Variants in LDOC1 observed in about 807,000 individuals in gnomAD.
The protein encoded by LDOC1 is protein LDOC1.
A neutral mutation model predicts 4.9 loss-of-function variants in LDOC1; 1 was observed. The observed-to-expected ratio is 0.20, with a 90% CI of 0.07 to 0.96. The LOEUF (loss-of-function observed/expected upper bound fraction) is 0.96, where lower values mean the gene tolerates loss of function less well. LDOC1 is among the 40% of genes least tolerant of loss of function. The pLI, the probability that LDOC1 is intolerant of heterozygous loss-of-function variation, is 0.62. For synonymous variants in LDOC1, 55 were observed against 58.3 expected (o/e 0.94, Z 0.26); for missense variants, 76 against 128.1 (o/e 0.59, Z 1.96).
In LDOC1 at chrX:141,176,535, T is replaced by A. The variant is rs375054922; in HGVS notation, c.*46A>T. Reference sequence around the variant, plus strand: ...CGGGGTGAGGGCTGCGGGGAGGGGGTGGCGGCGTGCAGGGCCCTCCCCCCC... The same window carrying A: ...CGGGGTGAGGGCTGCGGGGAGGGGGAGGCGGCGTGCAGGGCCCTCCCCCCC... On this transcript the variant is annotated 3_prime_UTR_variant, in exon 1 of 1. Transcript: ENST00000370526. The A allele has an allele frequency of 2.1e-5, 24 of 1,139,586 alleles. No individual in the cohort carries two copies. The African/African-American group carries it at 4.4e-4, about 21-fold the overall frequency. 93.9% of individuals were successfully genotyped at this position (1,139,586 alleles called of 1,213,427 possible).
In LDOC1 at chrX:141,173,579, C is replaced by T. The variant is rs1285167791; in HGVS notation, c.*3002G>A. On this transcript the variant is annotated 3_prime_UTR_variant, in exon 1 of 1. Transcript: ENST00000370526. ...AGAATCCCTTTTCTGCATCTCACAGCATAACCTGTTTGTCCATGATGTAAG... is the reference window on the plus strand; with the variant it reads ...AGAATCCCTTTTCTGCATCTCACAGTATAACCTGTTTGTCCATGATGTAAG... 8.9e-6 allele frequency: 1 copy of T among 111,751 alleles called. No homozygotes were observed. The highest frequency in any genetic ancestry group is 9.6e-5 in the Admixed American group (1 of 10,468). 9.2% of individuals were successfully genotyped at this position (111,751 alleles called of 1,213,427 possible).
chrX:141,176,939 T>A lies in LDOC1; in HGVS notation c.83A>T (p.Glu28Val). ...ALSIENSQLM[E>V]QLRLLVCERA... ...CTCGCACACCAGCAGCCGCAGCTGT[T>A]CCATGAGCTGGCTGTTCTCGATGCT... The change falls in exon 1 of 1, where the codon GAA (glutamate) becomes GTA (valine). Residue 28 changes from glutamate (E) to valine (V), a missense_variant. Glu to Val is a moderately radical substitution (Grantham distance 121). Coordinates refer to ENST00000370526, the MANE Select transcript of LDOC1 (RefSeq NM_012317.4). The A allele has an allele frequency of 8.3e-7, 1 of 1,211,270 alleles. No homozygotes were observed. Among genetic ancestry groups the A allele is most frequent in the South Asian group, 1.8e-5 (1 of 56,893 alleles).
In LDOC1 at chrX:141,177,111, G is replaced by A; in HGVS notation, c.-90C>T. The A allele has an allele frequency of 2.4e-6, 1 of 410,665 alleles. No homozygotes were observed. The highest frequency in any genetic ancestry group is 3.7e-6 in the Non-Finnish European group (1 of 267,509). The allele number at this position is 410,665 out of a possible 1,213,427, so 33.8% of individuals were successfully genotyped here. A position where few individuals can be genotyped will look rare whatever the true frequency, so the allele number is the denominator to read the frequency against. On this transcript the variant is annotated 5_prime_UTR_variant, in exon 1 of 1. Coordinates refer to ENST00000370526, the MANE Select transcript of LDOC1 (RefSeq NM_012317.4). The stretch of plus-strand genomic sequence containing the variant: ...TCGCAGGAAGTGCGTGTCCACGGAG[G>A]CGCTTGGTGGCCAGGGGCGGGGGGC...
chrX:141,175,525 G>T lies in LDOC1; in HGVS notation c.*1056C>A, dbSNP rs1218653554. 1.8e-5 allele frequency among the ~76,000 whole-genome samples: 2 copies of T among 112,075 alleles called. No homozygotes were observed. Among genetic ancestry groups the T allele is most frequent in the Middle Eastern group, 4.6e-3 (1 of 217 alleles). On this transcript the variant is annotated 3_prime_UTR_variant, in exon 1 of 1. Coordinates refer to ENST00000370526, the MANE Select transcript of LDOC1 (RefSeq NM_012317.4). ...AACCCTTAACCACGCCACCCTGGAG[G>T]ACCCAGAGAACACACCCTTTGCCAG... is the stretch of plus-strand genomic sequence containing the variant.
chrX:141,176,721 C>A lies in LDOC1; in HGVS notation c.301G>T (p.Glu101Ter). ...FLISLLTGEAEEWVVPYIEMD... is the reference protein window; with the variant it reads ...FLISLLTGEA ...TCGATGTAGGGCACCACCCACTCCT[C>A]GGCTTCCCCGGTGAGGAGGCTGATT... is the stretch of plus-strand genomic sequence containing the variant. Residue 101 changes from glutamate to a stop codon, truncating the protein, a stop_gained, in exon 1 of 1, where the codon GAG (glutamate) becomes TAG (stop). Coordinates refer to ENST00000370526, the MANE Select transcript of LDOC1 (RefSeq NM_012317.4). LOFTEE classifies it high-confidence loss of function. The A allele has an allele frequency of 8.2e-7, 1 of 1,212,249 alleles. No homozygotes were observed. Among genetic ancestry groups the A allele is most frequent in the Non-Finnish European group, 1.1e-6 (1 of 895,562 alleles).
Position 141,176,524 on chromosome X carries a change from CG to C in LDOC1, c.*56del, listed in dbSNP as rs782273268. 6.1e-6 allele frequency: 7 copies of C among 1,143,421 alleles called. No homozygotes were observed. The African/African-American group carries it at 7.2e-5, about 12-fold the overall frequency. 94.2% of individuals were successfully genotyped at this position (1,143,421 alleles called of 1,213,427 possible). A position where few individuals can be genotyped will look rare whatever the true frequency, so the allele number is the denominator to read the frequency against. On this transcript the variant is annotated 3_prime_UTR_variant, in exon 1 of 1. Transcript: ENST00000370526. The stretch of plus-strand genomic sequence containing the variant: ...GTGGCTCCTGGCGGGGTGAGGGCTG[CG>C]GGGAGGGGGTGGCGGCGTGCAGGGC...
In LDOC1 at chrX:141,175,971, C is replaced by T. The variant is rs1370511188; in HGVS notation, c.*610G>A. The T allele has an allele frequency of 8.8e-6, 1 of 114,285 alleles. No homozygotes were observed. The highest frequency in any genetic ancestry group is 9.1e-5 in the Admixed American group (1 of 11,031). 9.4% of individuals were successfully genotyped at this position (114,285 alleles called of 1,213,427 possible). A position where few individuals can be genotyped will look rare whatever the true frequency, so the allele number is the denominator to read the frequency against. On this transcript the variant is annotated 3_prime_UTR_variant, in exon 1 of 1. Transcript: ENST00000370526. Reference sequence around the variant, plus strand: ...AATTTGGCTGCCAGGCACACCGCGCCCCTGCAGCAATCTGGTGGGGCAGGG... The same window carrying T: ...AATTTGGCTGCCAGGCACACCGCGCTCCTGCAGCAATCTGGTGGGGCAGGG...
Position 141,176,730 on chromosome X carries a change from C to A in LDOC1, c.292G>T (p.Gly98Trp), listed in dbSNP as rs782148167. The A allele has an allele frequency of 1.1e-5, 13 of 1,212,081 alleles. No homozygotes were observed. Among genetic ancestry groups the A allele is most frequent in the African/African-American group, 1.7e-5 (1 of 57,962 alleles). Reference protein sequence around the residue: ...KVAFLISLLTGEAEEWVVPYI... With the variant: ...KVAFLISLLTWEAEEWVVPYI... ...GGCACCACCCACTCCTCGGCTTCCC[C>A]GGTGAGGAGGCTGATTAGGAATGCC... The change falls in exon 1 of 1, where the codon GGG becomes TGG. Residue 98 changes from glycine (G) to tryptophan (W), a missense_variant. Coordinates refer to ENST00000370526, the MANE Select transcript of LDOC1 (RefSeq NM_012317.4).
rs1556282918 is a variant in LDOC1 at position 141,175,055 on chromosome X, C to A, written c.*1526G>T. Among the ~76,000 whole-genome samples the A allele has an allele frequency of 8.9e-6, 1 of 111,795 alleles. No homozygotes were observed. ...AACCCTCCAGGCCCAGAGATCTCAG[C>A]ATAGCCCCTAGATAGCAGTACAAGG... is the stretch of plus-strand genomic sequence containing the variant. On this transcript the variant is annotated 3_prime_UTR_variant, in exon 1 of 1. Transcript: ENST00000370526.
Position 141,177,050 on chromosome X carries a change from G to T in LDOC1, c.-29C>A. The T allele has an allele frequency of 9.1e-7, 1 of 1,101,191 alleles. No individual in the cohort carries two copies. The highest frequency in any genetic ancestry group is 1.2e-6 in the Non-Finnish European group (1 of 827,950). 90.8% of individuals were successfully genotyped at this position (1,101,191 alleles called of 1,213,427 possible). On this transcript the variant is annotated 5_prime_UTR_variant, in exon 1 of 1. Transcript: ENST00000370526. ...GAACGGCCTGGAAGGACAGGACTCG[G>T]CTCGGTTCGGCTCGGCCAAGGTGCG...
chrX:141,177,092 G>A lies in LDOC1; in HGVS notation c.-71C>T. ...CAAGGTGCGCACGGAGCCCTCGCAG[G>A]AAGTGCGTGTCCACGGAGGCGCTTG... is the stretch of plus-strand genomic sequence containing the variant. On this transcript the variant is annotated 5_prime_UTR_variant, in exon 1 of 1. Coordinates refer to ENST00000370526, the MANE Select transcript of LDOC1 (RefSeq NM_012317.4). The A allele has an allele frequency of 2.2e-6, 2 of 893,566 alleles. No individual in the cohort carries two copies. The highest frequency in any genetic ancestry group is 2.9e-6 in the Non-Finnish European group (2 of 684,340). 73.6% of individuals were successfully genotyped at this position (893,566 alleles called of 1,213,427 possible).
At position 141,176,565 on chromosome X, in the gene LDOC1, C is replaced by T; in HGVS notation, c.*16G>A. On this transcript the variant is annotated 3_prime_UTR_variant, in exon 1 of 1. Coordinates refer to ENST00000370526, the MANE Select transcript of LDOC1 (RefSeq NM_012317.4). ...GCGTGCAGGGCCCTCCCCCCCGAGGCCCGAGGGTCGAGGGCCTAATAATCA... is the reference window on the plus strand; with the variant it reads ...GCGTGCAGGGCCCTCCCCCCCGAGGTCCGAGGGTCGAGGGCCTAATAATCA... The T allele has an allele frequency of 8.4e-7, 1 of 1,191,148 alleles. No individual in the cohort carries two copies. The highest frequency in any genetic ancestry group is 1.1e-6 in the Non-Finnish European group (1 of 882,916).
chrX:141,174,115 G>A lies in LDOC1; in HGVS notation c.*2466C>T, dbSNP rs979525309. ...AATTCAAGGCCTTTCTAGTTAGGAA[G>A]AAAGTGTAATTATCTGGCCTCACAC... On this transcript the variant is annotated 3_prime_UTR_variant, in exon 1 of 1. Transcript: ENST00000370526. Among the ~76,000 whole-genome samples, 1 of 112,058 alleles carries A rather than the reference G, an allele frequency of 8.9e-6. No homozygotes were observed.
chrX:141,177,000 G>A lies in LDOC1; in HGVS notation c.22C>T (p.Leu8=), dbSNP rs1556283593. ...TGCCGCATCAGGAGCGCGTGCAGCAGCAGCACCAACTCATCCACCATTGCG... is the reference window on the plus strand; with the variant it reads ...TGCCGCATCAGGAGCGCGTGCAGCAACAGCACCAACTCATCCACCATTGCG... MVDELVL[L]LHALLMRHRA... is the part of the protein sequence containing the mutation. Residue 8 remains leucine, a synonymous_variant, in exon 1 of 1, where the codon CTG becomes TTG. Coordinates refer to ENST00000370526, the MANE Select transcript of LDOC1 (RefSeq NM_012317.4). 1.7e-6 allele frequency: 2 copies of A among 1,205,576 alleles called. No individual in the cohort carries two copies. The highest frequency in any genetic ancestry group is 3.0e-5 in the East Asian group (1 of 33,562).
At position 141,176,608 on chromosome X, in the gene LDOC1, GTCGTCGTCT is replaced by G. The variant is rs782206298; in HGVS notation, c.405_413del (p.Glu135_Asp137del). 2.9e-5 allele frequency: 35 copies of G among 1,208,383 alleles called. No individual in the cohort carries two copies. The highest frequency in any genetic ancestry group is 2.3e-4 in the Middle Eastern group (1 of 4,371). ...AATAATCATCCTCCTCTTCTTCGTC[GTCGTCGTCT>G]TCGTCGTCATCCCAGCCAAAGCACT... is the stretch of plus-strand genomic sequence containing the variant. On this transcript the variant is annotated inframe_deletion, in exon 1 of 1. Transcript: ENST00000370526.
In LDOC1 at chrX:141,176,736, G is replaced by C; in HGVS notation, c.286C>G (p.Leu96Val). The change falls in exon 1 of 1, where the codon CTC (leucine) becomes GTC (valine). Residue 96 changes from leucine to valine, a missense_variant. Leu to Val is a conservative substitution (Grantham distance 32). Coordinates refer to ENST00000370526, the MANE Select transcript of LDOC1 (RefSeq NM_012317.4). ...AMKVAFLISLLTGEAEEWVVP... is the reference protein window; with the variant it reads ...AMKVAFLISLVTGEAEEWVVP... ...ACCCACTCCTCGGCTTCCCCGGTGA[G>C]GAGGCTGATTAGGAATGCCACCTTC... is the stretch of plus-strand genomic sequence containing the variant. 8.2e-7 allele frequency: 1 copy of C among 1,212,302 alleles called. No individual in the cohort carries two copies. The highest frequency in any genetic ancestry group is 1.1e-6 in the Non-Finnish European group (1 of 895,557).
Position 141,176,269 on chromosome X carries a change from A to G in LDOC1, c.*312T>C. 1 of 340,905 alleles carries G rather than the reference A, an allele frequency of 2.9e-6. No individual in the cohort carries two copies. Among genetic ancestry groups the G allele is most frequent in the Non-Finnish European group, 5.2e-6 (1 of 193,069 alleles). 28.1% of individuals were successfully genotyped at this position (340,905 alleles called of 1,213,427 possible). A position where few individuals can be genotyped will look rare whatever the true frequency, so the allele number is the denominator to read the frequency against. ...CGCAGTTTGTAACAGGGGCCTGGCC[A>G]ATAGCTGGGGTTCAGGACACAGTTC... is the stretch of plus-strand genomic sequence containing the variant. On this transcript the variant is annotated 3_prime_UTR_variant, in exon 1 of 1. Transcript: ENST00000370526.
At position 141,176,334 on chromosome X, in the gene LDOC1, A is replaced by G. The variant is rs781862246; in HGVS notation, c.*247T>C. On this transcript the variant is annotated 3_prime_UTR_variant, in exon 1 of 1. Transcript: ENST00000370526. ...GGGATCCCGGGGATGGCCAGGGTAG[A>G]TGACACTTCCAAGCACTTCCGAGTG... 1.6e-4 allele frequency: 68 copies of G among 429,652 alleles called. No individual in the cohort carries two copies. The highest frequency in any genetic ancestry group is 1.4e-3 in the African/African-American group (56 of 40,356). 35.4% of individuals were successfully genotyped at this position (429,652 alleles called of 1,213,427 possible). A position where few individuals can be genotyped will look rare whatever the true frequency, so the allele number is the denominator to read the frequency against.
rs897582473 is a variant in LDOC1 at position 141,173,315 on chromosome X, C to T, written c.*3266G>A. On this transcript the variant is annotated 3_prime_UTR_variant, in exon 1 of 1. Transcript: ENST00000370526. ...CATTTCATTGATAGTATAATTTCAG[C>T]GGCCATTTCAAGTCTATTACGCCCA... 1.2e-4 allele frequency: 13 copies of T among 111,612 alleles called. No individual in the cohort carries two copies. Among genetic ancestry groups the T allele is most frequent in the African/African-American group, 3.9e-4 (12 of 30,708 alleles). The allele number at this position is 111,612 out of a possible 1,213,427, so 9.2% of individuals were successfully genotyped here.
Sources: gnomAD v4.1 joint callset for allele counts (sites outside exome capture counted in the v4.1 genomes callset) on GRCh38, gnomAD v4.1.1 for gene constraint, MANE v1.5 for transcripts, NCBI Gene and HGNC (gene_info 2026-07-23, HGNC 2026-07-21) for gene names.